Variants in ROBO1 observed in about 807,000 individuals in gnomAD.
ROBO1 encodes the protein roundabout homolog 1.
ROBO1 carries 149 observed loss-of-function variants against 195.9 expected under a neutral mutation model. The observed-to-expected ratio is 0.76, with a 90% CI of 0.67 to 0.87. ROBO1 has a LOEUF of 0.87. Ranked by LOEUF, ROBO1 falls within the 40% of genes least tolerant of loss-of-function variation. The pLI, the probability that ROBO1 is intolerant of heterozygous loss-of-function variation, is 0.00. For synonymous variants in ROBO1, 816 were observed against 733.2 expected, an observed-to-expected ratio of 1.11 and a Z score of -1.82; for missense variants, 1,933 against 2,068.3, an observed-to-expected ratio of 0.93 and a Z score of 1.27.
At chr3:78,843,567 T>A (rs2033435059) in intron 4 of ROBO1, among the ~76,000 whole-genome samples, 1 of 152,068 alleles carries the variant, frequency 6.6e-6, no homozygotes, top group Non-Finnish European at 1.5e-5. Flanking sequence ...TGAACCTGTT[T>A]GTCTCAGCTG....
chr3:78,607,857 T>C (rs914068279), intron 28 of ROBO1, among the ~76,000 whole-genome samples: 7 of 152,174 alleles, frequency 4.6e-5, no homozygotes, highest in Non-Finnish European at 8.8e-5. Context: ...AACCTAGATA[T>C]AATCAGAACC....
intron 5 of ROBO1, among the ~76,000 whole-genome samples, chr3:78,732,163 T>A (rs548462952): frequency 1.6e-4 from 24 of 152,254 alleles, no homozygotes; most frequent in African/African-American, 5.1e-4. Context: ...TATAGAGGGC[T>A]TTCTTTGAGA....
intron 4 of ROBO1, among the ~76,000 whole-genome samples, chr3:78,860,370 G>A (rs2106983770): frequency 7.1e-6 from 1 of 141,176 alleles, no homozygotes; most frequent in East Asian, 2.1e-4. Context: ...GGAAAATGGT[G>A]GAGAACCACT....
chr3:78,884,623 G>GAGAAAGAAAGAGAA (rs1559961545), intron 4 of ROBO1, among the ~76,000 whole-genome samples: 26 of 96,602 alleles, frequency 2.7e-4, no homozygotes, highest in South Asian at 1.0e-3. Context: ...GAAAGAAAGA[G>GAGAAAGAAAGAGAA]AGAAAGAAAG....
intron 3 of ROBO1, among the ~76,000 whole-genome samples, chr3:78,962,544 G>A (rs963018106): frequency 2.0e-5 from 3 of 151,812 alleles, no homozygotes; most frequent in African/African-American, 7.3e-5. Context: ...ACTTCTTTTC[G>A]GCCGGGCGCG....
chr3:78,624,431 A>G (rs979257822), intron 26 of ROBO1, among the ~76,000 whole-genome samples: 1 of 152,170 alleles, frequency 6.6e-6, no homozygotes, highest in African/African-American at 2.4e-5. Flanking sequence ...AATAAAATCC[A>G]TAATACCCTT....
chr3:78,681,387 G>A (rs375903194), intron 10 of ROBO1, among the ~76,000 whole-genome samples: 1 of 152,152 alleles, frequency 6.6e-6, no homozygotes, highest in Non-Finnish European at 1.5e-5. Context: ...TGGTTGGATA[G>A]TAGCAAGCAT....
intron 1 of ROBO1, among the ~76,000 whole-genome samples, chr3:79,695,786 G>A (rs1337686784): frequency 1.3e-5 from 2 of 151,432 alleles, no homozygotes; most frequent in African/African-American, 2.4e-5. Context: ...ACTGCTAAAT[G>A]TAGAATCTAG....
At chr3:79,100,743 T>A (rs1445131375) in intron 3 of ROBO1, among the ~76,000 whole-genome samples, 3 of 151,810 alleles carry the variant, frequency 2.0e-5, no homozygotes, top group African/African-American at 7.2e-5. Flanking sequence ...TTATGTATTC[T>A]AGGAAGGTCT....
chr3:78,700,609 T>C (rs1481502903), intron 8 of ROBO1, among the ~76,000 whole-genome samples: 1 of 152,178 alleles, frequency 6.6e-6, no homozygotes, highest in Non-Finnish European at 1.5e-5. Context: ...TGTCAGATCA[T>C]ATATTAGGAA....
At chr3:79,387,883 T>C (rs1485984230) in intron 2 of ROBO1, among the ~76,000 whole-genome samples, 1 of 152,162 alleles carries the variant, frequency 6.6e-6, no homozygotes, top group East Asian at 1.9e-4. Context: ...TCCGATTCAA[T>C]GTGACCTTTC....
intron 3 of ROBO1, among the ~76,000 whole-genome samples, chr3:79,088,011 A>G (rs1238382238): frequency 6.6e-6 from 1 of 152,128 alleles, no homozygotes; most frequent in East Asian, 1.9e-4. Flanking sequence ...TTGGAAAGGA[A>G]AAAGGTTCTT....
At chr3:78,678,126 T>C (rs374270648) in intron 10 of ROBO1, among the ~76,000 whole-genome samples, 1 of 151,956 alleles carries the variant, frequency 6.6e-6, no homozygotes, top group Non-Finnish European at 1.5e-5. Context: ...TTGAAACCAA[T>C]GAGAACAAAG....
At chr3:79,592,193 G>T (rs556146136) in intron 1 of ROBO1, among the ~76,000 whole-genome samples, 12 of 151,896 alleles carry the variant, frequency 7.9e-5, no homozygotes, top group South Asian at 2.1e-4. Flanking sequence ...AAAATAAACA[G>T]CCTAATCAAA....
chr3:78,748,578 T>C (rs1465801497), intron 4 of ROBO1, among the ~76,000 whole-genome samples: 1 of 152,162 alleles, frequency 6.6e-6, no homozygotes, highest in Non-Finnish European at 1.5e-5. Context: ...AGTGCTTTCA[T>C]GGATGAAGTA....
At position 78,957,820 on chromosome 3, in the gene ROBO1, C is replaced by T. The variant is rs151064642; in HGVS notation, c.173-18893G>A. ...CCTAGTCTATGCTGCCCAGGGAAAA[C>T]CATTTATTTAAACTTTACATTATTT... On this transcript the variant is annotated intron_variant, in intron 3 of 30. Coordinates refer to ENST00000464233, the MANE Select transcript of ROBO1 (RefSeq NM_002941.4). Among the ~76,000 whole-genome samples the T allele has an allele frequency of 2.8e-3, 433 of 152,268 alleles. 2 individuals carry two copies. The highest frequency in any genetic ancestry group is 1.0e-2 in the African/African-American group (415 of 41,548).
At chr3:79,353,828 T>G (rs1317531090) in intron 2 of ROBO1, among the ~76,000 whole-genome samples, 3 of 152,070 alleles carry the variant, frequency 2.0e-5, no homozygotes, top group Non-Finnish European at 4.4e-5. Context: ...GCAGAATGCT[T>G]GAGGCCAGGA....
intron 2 of ROBO1, among the ~76,000 whole-genome samples, chr3:79,514,689 GTGTA>G (rs1164482913): frequency 1.3e-5 from 2 of 151,558 alleles, no homozygotes; most frequent in African/African-American, 2.4e-5. Flanking sequence ...ACCTATTGAT[GTGTA>G]TGTGTCTGTG....
intron 1 of ROBO1, among the ~76,000 whole-genome samples, chr3:79,604,816 A>C (rs993691598): frequency 6.6e-6 from 1 of 152,012 alleles, no homozygotes; most frequent in South Asian, 2.1e-4. Context: ...CAATTTTCTC[A>C]TCGCTGCCTT....
Sources: gnomAD v4.1 joint callset for allele counts (sites outside exome capture counted in the v4.1 genomes callset) on GRCh38, gnomAD v4.1.1 for gene constraint, MANE v1.5 for transcripts, NCBI Gene and HGNC (gene_info 2026-07-23, HGNC 2026-07-21) for gene names.